UST: variants seen among roughly 807,000 people sequenced by gnomAD.
UST encodes uronyl 2-sulfotransferase.
UST carries 21 observed loss-of-function variants against 45.6 expected under a neutral mutation model. The ratio of observed to expected loss-of-function variants is 0.46; its 90% CI spans 0.33 to 0.66. The LOEUF (loss-of-function observed/expected upper bound fraction) is 0.66, where lower values mean the gene tolerates loss of function less well. UST is among the 30% of genes least tolerant of loss of function. The pLI, the probability that UST is intolerant of heterozygous loss-of-function variation, is 0.02. For synonymous variants in UST, 215 were observed against 200.6 expected (o/e 1.07, Z -0.61); for missense variants, 463 against 512.4 (o/e 0.90, Z 0.93).
intron 5 of UST, among the ~76,000 whole-genome samples, chr6:148,980,857 C>T (rs909346969): frequency 2.0e-5 from 3 of 152,054 alleles, no homozygotes; most frequent in Non-Finnish European, 4.4e-5. Context: ...GTAGCTGGGA[C>T]TACAGGCACA....
At chr6:148,945,017 G>A (rs1465665919) in intron 3 of UST, among the ~76,000 whole-genome samples, 3 of 152,158 alleles carry the variant, frequency 2.0e-5, no homozygotes, top group African/African-American at 7.2e-5. Context: ...TGCTGCAGGT[G>A]TATTACAACT....
chr6:148,979,006 G>A (rs143563871), intron 5 of UST, among the ~76,000 whole-genome samples: 1 of 152,092 alleles, frequency 6.6e-6, no homozygotes, highest in Non-Finnish European at 1.5e-5. Flanking sequence ...AGCAGCATCA[G>A]TCTCAACAAC....
At chr6:148,905,895 C>T (rs1157676616) in intron 2 of UST, among the ~76,000 whole-genome samples, 1 of 152,220 alleles carries the variant, frequency 6.6e-6, no homozygotes, top group African/African-American at 2.4e-5. Flanking sequence ...ATAGCTGGCA[C>T]ACATCATTAT....
At chr6:148,755,463 A>G (rs1452802465) in intron 1 of UST, among the ~76,000 whole-genome samples, 1 of 152,168 alleles carries the variant, frequency 6.6e-6, no homozygotes, top group Non-Finnish European at 1.5e-5. Flanking sequence ...AGTTTGAATA[A>G]TTGGCAACAC....
chr6:149,019,816 C>T (rs1049109764), intron 6 of UST, among the ~76,000 whole-genome samples: 4 of 152,200 alleles, frequency 2.6e-5, no homozygotes, highest in Non-Finnish European at 5.9e-5. Flanking sequence ...GTCAGGACCC[C>T]CAGGGTGTGA....
intron 2 of UST, among the ~76,000 whole-genome samples, chr6:148,891,219 G>A (rs574051578): frequency 1.3e-5 from 2 of 152,138 alleles, no homozygotes; most frequent in Non-Finnish European, 2.9e-5. Flanking sequence ...CCACAGACCC[G>A]AGAAGCTGAC....
At chr6:148,886,897 TAACTAGAATG>T (rs1255209430) in intron 1 of UST, 79 bp from the exon 2 acceptor site, 2 of 1,090,580 alleles carry the variant, frequency 1.8e-6, no homozygotes, top group African/African-American at 3.1e-5. Context: ...AAATACTGTA[TAACTAGAATG>T]CTTATCTTCA....
At chr6:148,936,768 T>C (rs1019713817) in intron 2 of UST, among the ~76,000 whole-genome samples, 1 of 152,146 alleles carries the variant, frequency 6.6e-6, no homozygotes, top group African/African-American at 2.4e-5. Flanking sequence ...CGATCTCAGC[T>C]CACTGCAATC....
At chr6:148,849,498 G>A (rs1458749856) in intron 1 of UST, among the ~76,000 whole-genome samples, 3 of 152,110 alleles carry the variant, frequency 2.0e-5, no homozygotes, top group Admixed American at 2.0e-4. Flanking sequence ...GATGGATGCT[G>A]TATTAGTCCG....
chr6:148,979,491 A>G, intron 5 of UST, among the ~76,000 whole-genome samples: 1 of 152,160 alleles, frequency 6.6e-6, no homozygotes, highest in East Asian at 1.9e-4. Context: ...CTTCTGTTGA[A>G]GAAGTACTGG....
intron 7 of UST, among the ~76,000 whole-genome samples, chr6:149,070,749 T>C (rs1226215403): frequency 6.7e-6 from 1 of 150,370 alleles, no homozygotes; most frequent in East Asian, 1.9e-4. Flanking sequence ...AATCCAGTTA[T>C]GCTCTTTTAG....
At chr6:148,778,499 C>T (rs1042740730) in intron 1 of UST, among the ~76,000 whole-genome samples, 3 of 152,192 alleles carry the variant, frequency 2.0e-5, no homozygotes, top group Admixed American at 6.5e-5. Flanking sequence ...AATTCTACAA[C>T]GGTGCCCTTC....
intron 5 of UST, among the ~76,000 whole-genome samples, chr6:149,006,379 G>A (rs1371931148): frequency 6.6e-6 from 1 of 152,088 alleles, no homozygotes; most frequent in Non-Finnish European, 1.5e-5. Flanking sequence ...TTTGCTGTTA[G>A]GATAGTGGCT....
Position 148,747,286 on chromosome 6 carries a change from C to A in UST, c.-145C>A, listed in dbSNP as rs1775883134. On this transcript the variant is annotated 5_prime_UTR_variant, in exon 1 of 8. Coordinates refer to ENST00000367463, the MANE Select transcript of UST (RefSeq NM_005715.3). ...GCCGAAGAAAGTCTCCTGAGCCCGG[C>A]AACTTCGGCCCCTCCCCGCCCCCAC... The A allele has an allele frequency of 2.0e-6, 2 of 984,002 alleles. No individual in the cohort carries two copies. The highest frequency in any genetic ancestry group is 3.4e-5 in the African/African-American group (2 of 59,024). The allele number at this position is 984,002 out of a possible 1,614,324, so 61.0% of individuals were successfully genotyped here.
intron 1 of UST, among the ~76,000 whole-genome samples, chr6:148,781,809 T>C (rs1237023235): frequency 6.6e-6 from 1 of 152,144 alleles, no homozygotes; most frequent in East Asian, 1.9e-4. Flanking sequence ...CCTTAAGAAT[T>C]TGCCAAATCT....
chr6:149,039,888 A>T (rs1341691643), intron 7 of UST, among the ~76,000 whole-genome samples: 1 of 152,208 alleles, frequency 6.6e-6, no homozygotes, highest in East Asian at 1.9e-4. Flanking sequence ...CGTCACTTCC[A>T]TCAAAAGTCG....
intron 3 of UST, among the ~76,000 whole-genome samples, chr6:148,942,174 A>G (rs752759641): frequency 4.6e-5 from 7 of 152,112 alleles, no homozygotes; most frequent in Non-Finnish European, 1.0e-4. Flanking sequence ...GGTCTCAGAA[A>G]CTGGCTTCTG....
intron 1 of UST, among the ~76,000 whole-genome samples, chr6:148,867,579 T>C (rs528667277): frequency 6.6e-6 from 1 of 152,272 alleles, no homozygotes; most frequent in South Asian, 2.1e-4. Flanking sequence ...GTTTCCCCCA[T>C]ACTGTTCTCG....
rs1780043733 is a variant in UST at position 148,937,342 on chromosome 6, G to A, written c.292-3937G>A. ...GATGTTAAGCCCTCCTTTATCTCAA[G>A]TTATTATCGTAGACCCAGCTGCAGA... On this transcript the variant is annotated intron_variant, in intron 2 of 7. Coordinates refer to ENST00000367463, the MANE Select transcript of UST (RefSeq NM_005715.3). Among the ~76,000 whole-genome samples the A allele has an allele frequency of 2.0e-5, 3 of 152,122 alleles. No homozygotes were observed. In the South Asian group the frequency reaches 6.2e-4, roughly 32 times the overall value.
Sources: allele counts gnomAD v4.1 joint callset (sites outside exome capture counted in the v4.1 genomes callset), GRCh38; gene constraint gnomAD v4.1.1; transcripts MANE v1.5; gene names NCBI Gene and HGNC (gene_info 2026-07-23, HGNC 2026-07-21).